Variants in RAP1B observed in about 807,000 individuals in gnomAD.
The protein encoded by RAP1B is RAP1B, member of RAS oncogene family.
RAP1B carries 1 observed loss-of-function variant against 27.5 expected under a neutral mutation model. That is an observed-to-expected ratio of 0.04 (90% CI 0.01 to 0.17). The LOEUF (loss-of-function observed/expected upper bound fraction) is 0.17, where lower values mean the gene tolerates loss of function less well. Ranked by LOEUF, RAP1B falls within the 10% of genes least tolerant of loss-of-function variation. RAP1B has a pLI of 1.00. For missense variants in RAP1B, 84 were observed against 214.8 expected (o/e 0.39, Z 3.81); for synonymous variants, 75 against 73.1 (o/e 1.03, Z -0.13).
chr12:68,635,438 C>T (rs1477223566), intron 1 of RAP1B, among the ~76,000 whole-genome samples: 2 of 152,072 alleles, frequency 1.3e-5, no homozygotes, highest in African/African-American at 4.8e-5. Context: ...AGTAATGTTA[C>T]CTGACTTCAG....
intron 3 of RAP1B, 123 bp from the exon 4 acceptor site, chr12:68,651,872 T>C: frequency 1.5e-6 from 1 of 669,300 alleles, no homozygotes; most frequent in East Asian, 2.7e-5. Context: ...TATTGCTGGA[T>C]ATTAGTTTGT....
At chr12:68,647,367 T>TTC (rs1873484419) in intron 1 of RAP1B, among the ~76,000 whole-genome samples, 1 of 59,022 alleles carries the variant, frequency 1.7e-5, no homozygotes, top group Admixed American at 1.8e-4. Context: ...GCCCTGTCCC[T>TTC]GCCCCCCACT....
At chr12:68,654,478 A>T (rs563084282) in intron 5 of RAP1B, among the ~76,000 whole-genome samples, 1 of 151,298 alleles carries the variant, frequency 6.6e-6, no homozygotes, top group Admixed American at 6.6e-5. Flanking sequence ...TGAAAATTAA[A>T]TGTTACACCC....
chr12:68,621,606 T>C (rs1871390170), intron 1 of RAP1B: 1 of 152,194 alleles, frequency 6.6e-6, no homozygotes, highest in African/African-American at 2.4e-5. Context: ...GGGCAGGAAG[T>C]AGAGCAGAAA....
chr12:68,624,111 G>C (rs1327481419), intron 1 of RAP1B, among the ~76,000 whole-genome samples: 1 of 152,108 alleles, frequency 6.6e-6, no homozygotes, highest in African/African-American at 2.4e-5. Context: ...AAGATACCAG[G>C]GTCTGAAAAT....
chr12:68,630,473 G>A (rs1393774819), intron 1 of RAP1B, among the ~76,000 whole-genome samples: 2 of 152,104 alleles, frequency 1.3e-5, no homozygotes, highest in African/African-American at 2.4e-5. Context: ...GTTCTAGTTG[G>A]CCAACCTCCC....
intron 4 of RAP1B, among the ~76,000 whole-genome samples, chr12:68,653,083 C>G (rs906309662): frequency 6.6e-6 from 1 of 152,034 alleles, no homozygotes; most frequent in Non-Finnish European, 1.5e-5. Flanking sequence ...GTGGCAGGCA[C>G]CTGTAGTCCC....
At position 68,611,039 on chromosome 12, in the gene RAP1B, G is replaced by A. The variant is rs1196614543; in HGVS notation, c.-31G>A. ...GGCTGCAGGGACCCGGTGACAGCGTGAGAGGTTCGCAGAGTGAGTGCGTGG... is the reference window on the plus strand; with the variant it reads ...GGCTGCAGGGACCCGGTGACAGCGTAAGAGGTTCGCAGAGTGAGTGCGTGG... On this transcript the variant is annotated 5_prime_UTR_variant, in exon 1 of 8. Transcript: ENST00000250559. 6.7e-6 allele frequency: 2 copies of A among 300,112 alleles called. No individual in the cohort carries two copies. Among genetic ancestry groups the A allele is most frequent in the Non-Finnish European group, 1.2e-5 (2 of 162,500 alleles). 18.6% of individuals were successfully genotyped at this position (300,112 alleles called of 1,614,324 possible).
chr12:68,664,257 A>G lies in RAP1B; in HGVS notation c.*5008A>G, dbSNP rs1273390108. The G allele has an allele frequency of 6.6e-6, 1 of 152,194 alleles. No individual in the cohort carries two copies. The highest frequency in any genetic ancestry group is 1.5e-5 in the Non-Finnish European group (1 of 68,036). The allele number at this position is 152,194 out of a possible 1,614,324, so 9.4% of individuals were successfully genotyped here. A position where few individuals can be genotyped will look rare whatever the true frequency, so the allele number is the denominator to read the frequency against. The stretch of plus-strand genomic sequence containing the variant: ...ATCAAAAGCCTCTAATGTTTTTGTC[A>G]TCCGCCATTATTACCCATTCAAATT... On this transcript the variant is annotated 3_prime_UTR_variant, in exon 8 of 8. Transcript: ENST00000250559.
chr12:68,611,415 C>T (rs1870574362), intron 1 of RAP1B, among the ~76,000 whole-genome samples: 2 of 149,992 alleles, frequency 1.3e-5, no homozygotes, highest in South Asian at 2.1e-4. Context: ...CCTTTCCCCG[C>T]CGGCTCCCCC....
At chr12:68,657,254 T>A in intron 7 of RAP1B, 37 bp downstream of exon 7, 3 of 1,352,030 alleles carry the variant, frequency 2.2e-6, no homozygotes, top group Non-Finnish European at 3.2e-6. Context: ...TTTTAATCAC[T>A]CAACCTTATT....
chr12:68,623,440 A>T (rs1871523814), intron 1 of RAP1B, among the ~76,000 whole-genome samples: 1 of 152,192 alleles, frequency 6.6e-6, no homozygotes, highest in Admixed American at 6.5e-5. Flanking sequence ...TGTAAAATTG[A>T]TTATAGGGCC....
chr12:68,641,220 G>A (rs2920021), intron 1 of RAP1B: 127,231 of 152,308 alleles, frequency 0.84, 53,840 homozygotes, highest in African/African-American at 0.96. Flanking sequence ...CATGTTGCCC[G>A]GGCTGGTCTT....
In RAP1B at chr12:68,662,399, AGTT is replaced by A. The variant is rs1378247265; in HGVS notation, c.*3154_*3156del. The A allele has an allele frequency of 6.6e-6, 1 of 152,072 alleles. No homozygotes were observed. The highest frequency in any genetic ancestry group is 1.5e-5 in the Non-Finnish European group (1 of 68,000). 9.4% of individuals were successfully genotyped at this position (152,072 alleles called of 1,614,324 possible). ...CCTGTATTGACTTTCTTGTTGATTC[AGTT>A]GTTTCTTAAACGTAAATAGCTCATC... On this transcript the variant is annotated 3_prime_UTR_variant, in exon 8 of 8. Transcript: ENST00000250559.
intron 1 of RAP1B, among the ~76,000 whole-genome samples, chr12:68,648,292 A>G (rs975775300): frequency 6.6e-6 from 1 of 152,160 alleles, no homozygotes; most frequent in African/African-American, 2.4e-5. Context: ...CTACCAACAT[A>G]TTATATTTAC....
In RAP1B at chr12:68,650,500, T is replaced by C. The variant is rs770175580; in HGVS notation, c.126+32T>C. The stretch of plus-strand genomic sequence containing the variant: ...ATTACTTTGGAAGGCCTTTTGCTTT[T>C]GATTTTAATATAAATACTTATTTTA... On this transcript the variant is annotated intron_variant, in intron 3 of 7. Coordinates refer to ENST00000250559, the MANE Select transcript of RAP1B (RefSeq NM_001010942.3). 26 of 1,409,776 alleles carry C rather than the reference T, an allele frequency of 1.8e-5. No homozygotes were observed. In the Admixed American group the frequency reaches 5.3e-4, roughly 28 times the overall value. 87.3% of individuals were successfully genotyped at this position (1,409,776 alleles called of 1,614,324 possible).
chr12:68,635,622 A>G (rs77498442), intron 1 of RAP1B, among the ~76,000 whole-genome samples: 27,322 of 149,772 alleles, frequency 0.18, 3,046 homozygotes, highest in South Asian at 0.46. Context: ...CACCCAGCCA[A>G]TTTTTGTATT....
rs1320741224 is a variant in RAP1B, at chr12:68,671,048, AG to A, written c.*11801del. 4.6e-5 allele frequency: 7 copies of A among 150,754 alleles called. No individual in the cohort carries two copies. In the East Asian group the frequency reaches 1.2e-3, roughly 25 times the overall value. 9.3% of individuals were successfully genotyped at this position (150,754 alleles called of 1,614,324 possible). A position where few individuals can be genotyped will look rare whatever the true frequency, so the allele number is the denominator to read the frequency against. ...CGTTTAAAAAAAAAAAAAAAAAAAA[AG>A]GTAAACTATTCAAAAGATAAATGGT... On this transcript the variant is annotated 3_prime_UTR_variant, in exon 8 of 8. Coordinates refer to ENST00000250559, the MANE Select transcript of RAP1B (RefSeq NM_001010942.3).
In RAP1B at chr12:68,648,552, A is replaced by G. The variant is rs564186386; in HGVS notation, c.-26-147A>G. The G allele has an allele frequency of 8.5e-4, 530 of 620,240 alleles. 7 individuals are homozygous for G. The South Asian group carries it at 0.011, about 13-fold the overall frequency. 38.4% of individuals were successfully genotyped at this position (620,240 alleles called of 1,614,324 possible). On this transcript the variant is annotated intron_variant, in intron 1 of 7. Transcript: ENST00000250559. Reference sequence around the variant, plus strand: ...TTTCTTCTACCTCTGAGCATCTTTTAATAAGTCTGCTTATAGGGTGCTCCA... The same window carrying G: ...TTTCTTCTACCTCTGAGCATCTTTTGATAAGTCTGCTTATAGGGTGCTCCA...
Sources: allele counts gnomAD v4.1 joint callset (sites outside exome capture counted in the v4.1 genomes callset), GRCh38; gene constraint gnomAD v4.1.1; transcripts MANE v1.5; gene names NCBI Gene and HGNC (gene_info 2026-07-23, HGNC 2026-07-21).